The following MLLT10 variants were observed in gnomAD, a reference collection of about 807,000 sequenced individuals.
MLLT10 encodes the protein protein AF-10.
MLLT10 carries 30 observed loss-of-function variants against 129.1 expected under a neutral mutation model. The ratio of observed to expected loss-of-function variants is 0.23; its 90% CI spans 0.17 to 0.32. MLLT10 has a LOEUF of 0.32. Ranked by LOEUF, MLLT10 falls within the 10% of genes least tolerant of loss-of-function variation. The pLI is 1.00. For missense variants in MLLT10, 1,119 were observed against 1,268.3 expected, an observed-to-expected ratio of 0.88 and a Z score of 1.79; for synonymous variants, 490 against 446.4, an observed-to-expected ratio of 1.10 and a Z score of -1.23.
chr10:21,737,671 G>A (rs1394110335), intron 21 of MLLT10, among the ~76,000 whole-genome samples: 1 of 152,090 alleles, frequency 6.6e-6, no homozygotes, highest in African/African-American at 2.4e-5. Context: ...CTTGTAGAAG[G>A]GGAGAAAGTA....
chr10:21,546,684 C>T (rs1211385480), intron 3 of MLLT10, among the ~76,000 whole-genome samples: 1 of 151,908 alleles, frequency 6.6e-6, no homozygotes, highest in Non-Finnish European at 1.5e-5. Context: ...TCTCCTCCCT[C>T]AGCCTCCCGA....
chr10:21,534,009 T>C (rs1270260241), upstream of MLLT10, among the ~76,000 whole-genome samples: 1 of 151,384 alleles, frequency 6.6e-6, no homozygotes, highest in African/African-American at 2.4e-5. Context: ...GGCCCTAACG[T>C]CCCCGCCCCC....
chr10:21,636,530 TTA>T (rs1442247898), intron 8 of MLLT10, among the ~76,000 whole-genome samples: 3 of 152,168 alleles, frequency 2.0e-5, no homozygotes, highest in Admixed American at 1.3e-4. Flanking sequence ...TCTATATTTT[TTA>T]TGTTTTAATG....
chr10:21,542,572 A>G (rs1207454316), intron 3 of MLLT10, among the ~76,000 whole-genome samples: 1 of 152,210 alleles, frequency 6.6e-6, no homozygotes, highest in Non-Finnish European at 1.5e-5. Context: ...CTGTCTCAAA[A>G]AAATATATAT....
At chr10:21,637,095 G>A (rs1392204895) in intron 8 of MLLT10, among the ~76,000 whole-genome samples, 6 of 152,186 alleles carry the variant, frequency 3.9e-5, no homozygotes, top group African/African-American at 1.4e-4. Flanking sequence ...GGGGCATCAA[G>A]TCCAAATCTC....
Position 21,713,865 on chromosome 10 carries a change from A to C in MLLT10, c.1793A>C (p.Gln598Pro). 6.2e-7 allele frequency: 1 copy of C among 1,614,094 alleles called. No homozygotes were observed. The highest frequency in any genetic ancestry group is 1.1e-5 in the South Asian group (1 of 91,076). Residue 598 changes from glutamine (Q) to proline (P), a missense_variant, in exon 14 of 23, where the codon CAG becomes CCG. This residue lies in a region of MLLT10 where 1,004 missense variants were observed against 1,008.7 expected (regional missense o/e 1.00). Coordinates refer to ENST00000307729, the MANE Select transcript of MLLT10 (RefSeq NM_001195626.3). Reference protein sequence around the residue: ...STPVSSSHLPQQSSGHLQQVG... With the variant: ...STPVSSSHLPPQSSGHLQQVG... Reference sequence around the variant, plus strand: ...CCTGTCTCCAGCTCTCACTTACCTCAGCAGTCTTCTGGGCATTTGCAACAA... The same window carrying C: ...CCTGTCTCCAGCTCTCACTTACCTCCGCAGTCTTCTGGGCATTTGCAACAA...
At position 21,696,280 on chromosome 10, in the gene MLLT10, T is replaced by A. The variant is rs58742044; in HGVS notation, c.1699+14023T>A. Among the ~76,000 whole-genome samples, 847 of 152,278 alleles carry A rather than the reference T, an allele frequency of 5.6e-3. 4 individuals carry two copies. The highest frequency in any genetic ancestry group is 0.019 in the African/African-American group (790 of 41,554). ...TTGACCCCTAGACATTTCCTTTGCTTGTGGACTCGGGTATTTGTTTTTAGG... is the reference window on the plus strand; with the variant it reads ...TTGACCCCTAGACATTTCCTTTGCTAGTGGACTCGGGTATTTGTTTTTAGG... On this transcript the variant is annotated intron_variant, in intron 13 of 22. Coordinates refer to ENST00000307729, the MANE Select transcript of MLLT10 (RefSeq NM_001195626.3).
intron 8 of MLLT10, chr10:21,626,224 T>C: frequency 6.3e-7 from 1 of 1,591,112 alleles, no homozygotes; most frequent in Non-Finnish European, 8.6e-7. Flanking sequence ...GAGCTCCTTC[T>C]TTATTAAATT....
chr10:21,743,017 C>T lies in MLLT10; in HGVS notation c.*1034C>T, dbSNP rs564935640. 4.3e-6 allele frequency: 1 copy of T among 230,096 alleles called. No homozygotes were observed. Among genetic ancestry groups the T allele is most frequent in the Non-Finnish European group, 8.6e-6 (1 of 116,110 alleles). The allele number at this position is 230,096 out of a possible 1,614,324, so 14.3% of individuals were successfully genotyped here. ...AGATTTGTTTTATTTAAACCACTTC[C>T]CATTACTGACCATTAAAAGCTCACC... On this transcript the variant is annotated 3_prime_UTR_variant, in exon 23 of 23. Transcript: ENST00000307729.
chr10:21,724,736 A>G (rs1333783049), intron 14 of MLLT10, among the ~76,000 whole-genome samples: 1 of 152,246 alleles, frequency 6.6e-6, no homozygotes, highest in Non-Finnish European at 1.5e-5. Context: ...AGGTCATAAT[A>G]TTCTTGGAAA....
chr10:21,727,184 A>G (rs1220257599), intron 15 of MLLT10, among the ~76,000 whole-genome samples: 2 of 152,200 alleles, frequency 1.3e-5, no homozygotes, highest in Non-Finnish European at 2.9e-5. Context: ...GAAAGAGGCC[A>G]GATAAGGTGA....
At chr10:21,651,912 T>TC (rs1564580551) in intron 9 of MLLT10, 144 bp downstream of exon 9, 1 of 522,514 alleles carries the variant, frequency 1.9e-6, no homozygotes, top group Non-Finnish European at 3.3e-6. Flanking sequence ...TCTTTTTTTT[T>TC]TTTTTTTTTT....
intron 3 of MLLT10, among the ~76,000 whole-genome samples, chr10:21,563,208 T>C (rs1489470363): frequency 1.3e-5 from 2 of 152,126 alleles, no homozygotes; most frequent in Non-Finnish European, 2.9e-5. Context: ...AAGGATGTTA[T>C]ATAAATGGGA....
intron 5 of MLLT10, among the ~76,000 whole-genome samples, chr10:21,610,984 CTTT>C (rs71393913): frequency 1.9e-5 from 2 of 102,884 alleles, no homozygotes; most frequent in Non-Finnish European, 3.9e-5. Context: ...TCTTTTTTCT[CTTT>C]TTTTTTTTTT....
At chr10:21,730,673 A>G (rs768433313) in intron 16 of MLLT10, among the ~76,000 whole-genome samples, 10 of 152,190 alleles carry the variant, frequency 6.6e-5, no homozygotes, top group Non-Finnish European at 1.5e-4. Flanking sequence ...TTAATTATCT[A>G]TGATGGCTAG....
intron 3 of MLLT10, among the ~76,000 whole-genome samples, chr10:21,576,473 T>C (rs1375273581): frequency 6.6e-6 from 1 of 150,610 alleles, no homozygotes; most frequent in Non-Finnish European, 1.5e-5. Flanking sequence ...ATCTCCTACC[T>C]TGTGATCCAC....
At chr10:21,709,784 T>G (rs1027166672) in intron 13 of MLLT10, among the ~76,000 whole-genome samples, 4 of 152,000 alleles carry the variant, frequency 2.6e-5, no homozygotes, top group Admixed American at 6.5e-5. Context: ...GTTCTGTCAC[T>G]GAGGCTGGAG....
intron 9 of MLLT10, among the ~76,000 whole-genome samples, chr10:21,667,131 G>C (rs544810886): frequency 6.6e-6 from 1 of 151,922 alleles, no homozygotes; most frequent in South Asian, 2.1e-4. Flanking sequence ...TTTTCTTTTA[G>C]TACTCTCCTG....
intron 5 of MLLT10, among the ~76,000 whole-genome samples, chr10:21,602,445 T>C (rs1016968813): frequency 6.6e-6 from 1 of 152,204 alleles, no homozygotes; most frequent in Non-Finnish European, 1.5e-5. Flanking sequence ...AATCTTTTTA[T>C]AGGGTTATGT....
Sources: gnomAD v4.1 joint callset for allele counts (sites outside exome capture counted in the v4.1 genomes callset) on GRCh38, gnomAD v4.1.1 for gene constraint, gnomAD v4.1.1 regional missense constraint, MANE v1.5 for transcripts, NCBI Gene and HGNC (gene_info 2026-07-23, HGNC 2026-07-21) for gene names.